GALK2: variants seen among roughly 807,000 people sequenced by gnomAD.
GALK2 encodes the protein galactokinase 2, also known as N-acetylgalactosamine kinase.
A neutral mutation model predicts 52.4 loss-of-function variants in GALK2; 36 were observed. The observed-to-expected ratio is 0.69, with a 90% CI of 0.53 to 0.91. The LOEUF is 0.91. Ranked by LOEUF, GALK2 falls within the 40% of genes least tolerant of loss-of-function variation. The pLI, the probability that GALK2 is intolerant of heterozygous loss-of-function variation, is 0.00. For synonymous variants in GALK2, 176 were observed against 199.1 expected (o/e 0.88, Z 0.98); for missense variants, 579 against 559.1 (o/e 1.04, Z -0.36).
chr15:49,299,434 G>C (rs1227555956), intron 8 of GALK2, among the ~76,000 whole-genome samples: 1 of 151,902 alleles, frequency 6.6e-6, no homozygotes, highest in South Asian at 2.1e-4. Flanking sequence ...CTAGCTTTGT[G>C]GTTGGTTTGC....
At chr15:49,308,300 G>A (rs1043371565) in intron 8 of GALK2, among the ~76,000 whole-genome samples, 1 of 152,186 alleles carries the variant, frequency 6.6e-6, no homozygotes, top group African/African-American at 2.4e-5. Context: ...ATTTGTTAGA[G>A]AAATTGACCA....
At chr15:49,334,181 T>C, downstream of GALK2, 1 of 841,900 alleles carries the variant, frequency 1.2e-6, no homozygotes, top group East Asian at 1.2e-4. Flanking sequence ...CAATTAAAGA[T>C]GATCTTAAGC....
intron 3 of GALK2, among the ~76,000 whole-genome samples, chr15:49,221,042 A>G (rs1325653803): frequency 6.6e-6 from 1 of 151,774 alleles, no homozygotes; most frequent in Non-Finnish European, 1.5e-5. Context: ...TTGTCTCCCC[A>G]CTCTGTTGAT....
chr15:49,336,872 T>TA (rs563659768), downstream of GALK2, among the ~76,000 whole-genome samples: 37 of 152,284 alleles, frequency 2.4e-4, no homozygotes, highest in East Asian at 3.3e-3. Flanking sequence ...TCCCTTCTCT[T>TA]ACAGTATGCA....
At chr15:49,209,314 C>G (rs962085085) in intron 2 of GALK2, among the ~76,000 whole-genome samples, 1 of 152,114 alleles carries the variant, frequency 6.6e-6, no homozygotes, top group Non-Finnish European at 1.5e-5. Context: ...AATTTGGATG[C>G]CCTTTACATT....
intron 8 of GALK2, among the ~76,000 whole-genome samples, chr15:49,303,569 T>A (rs942153725): frequency 6.6e-6 from 1 of 152,168 alleles, no homozygotes; most frequent in Non-Finnish European, 1.5e-5. Flanking sequence ...AAAATACATG[T>A]CTCTCATCAT....
chr15:49,319,915 T>G, intron 9 of GALK2, 110 bp downstream of exon 9: 1 of 912,310 alleles, frequency 1.1e-6, no homozygotes, highest in African/African-American at 1.7e-5. Flanking sequence ...ATTCCCCACT[T>G]CCTATATGAG....
chr15:49,168,205 A>G (rs2084885224), upstream of GALK2, among the ~76,000 whole-genome samples: 1 of 152,182 alleles, frequency 6.6e-6, no homozygotes, highest in Non-Finnish European at 1.5e-5. Context: ...TCCAAGGTCC[A>G]AACTAATGAT....
intron 1 of GALK2, among the ~76,000 whole-genome samples, chr15:49,192,458 A>C (rs1183597523): frequency 7.2e-6 from 1 of 138,838 alleles, no homozygotes; most frequent in African/African-American, 2.7e-5. Context: ...ATTATAAACT[A>C]TTCTGCAATG....
chr15:49,233,358 C>T (rs1005364729), intron 3 of GALK2, among the ~76,000 whole-genome samples: 2 of 152,204 alleles, frequency 1.3e-5, no homozygotes, highest in Non-Finnish European at 2.9e-5. Flanking sequence ...ATGATCCAGT[C>T]ACCTCCCACC....
intron 9 of GALK2, among the ~76,000 whole-genome samples, chr15:49,325,633 G>A (rs566963372): frequency 1.9e-4 from 29 of 152,358 alleles, no homozygotes; most frequent in Non-Finnish European, 3.8e-4. Flanking sequence ...CTGCTGACCA[G>A]CTGCTGGGGC....
intron 1 of GALK2, among the ~76,000 whole-genome samples, chr15:49,196,870 A>C (rs976927234): frequency 1.3e-5 from 2 of 152,152 alleles, no homozygotes; most frequent in Non-Finnish European, 2.9e-5. Flanking sequence ...CAGGAGGATC[A>C]CTTGAAGCCA....
chr15:49,297,926 GA>G (rs1457453228), intron 8 of GALK2, among the ~76,000 whole-genome samples: 1 of 134,236 alleles, frequency 7.4e-6, no homozygotes, highest in Non-Finnish European at 1.6e-5. Flanking sequence ...TTGAATTTTT[GA>G]ATTTTTTTTT....
chr15:49,265,518 G>A (rs192075162), intron 5 of GALK2, among the ~76,000 whole-genome samples: 4 of 152,246 alleles, frequency 2.6e-5, no homozygotes, highest in Non-Finnish European at 4.4e-5. Context: ...GACCCGTTGC[G>A]CTTCCCGAGT....
At chr15:49,260,258 T>G (rs1424204597) in intron 5 of GALK2, among the ~76,000 whole-genome samples, 2 of 152,094 alleles carry the variant, frequency 1.3e-5, no homozygotes, top group Non-Finnish European at 2.9e-5. Flanking sequence ...TCCTGACTTT[T>G]TAATGATCGC....
rs116775568 is a variant in GALK2, at chr15:49,319,536, A to G, written c.968-68A>G. The G allele has an allele frequency of 7.6e-5, 101 of 1,325,514 alleles. No individual in the cohort carries two copies. In the African/African-American group the frequency reaches 1.3e-3, roughly 17 times the overall value. 82.1% of individuals were successfully genotyped at this position (1,325,514 alleles called of 1,614,324 possible). A position where few individuals can be genotyped will look rare whatever the true frequency, so the allele number is the denominator to read the frequency against. On this transcript the variant is annotated intron_variant, in intron 8 of 9. Transcript: ENST00000560031. ...CAGAAATGAAAGTCTTTAAAAGTGT[A>G]TTTTTCTTTATACTGGGTTGTCCAG...
At chr15:49,334,588 A>G (rs562358873), downstream of GALK2, among the ~76,000 whole-genome samples, 17 of 152,246 alleles carry the variant, frequency 1.1e-4, no homozygotes, top group Admixed American at 8.5e-4. Context: ...CAGGAAGTCT[A>G]AGGGATATGT....
intron 2 of GALK2, among the ~76,000 whole-genome samples, chr15:49,203,709 G>A (rs1208669261): frequency 6.6e-6 from 1 of 152,172 alleles, no homozygotes; most frequent in Non-Finnish European, 1.5e-5. Context: ...TATAAATGGT[G>A]AGATATTGGG....
chr15:49,268,270 T>C (rs1032699367), intron 5 of GALK2, among the ~76,000 whole-genome samples: 1 of 152,150 alleles, frequency 6.6e-6, no homozygotes, highest in African/African-American at 2.4e-5. Context: ...AAACAGATTA[T>C]GAGAGAGAAC....
Sources: gnomAD v4.1 joint callset for allele counts (sites outside exome capture counted in the v4.1 genomes callset) on GRCh38, gnomAD v4.1.1 for gene constraint, MANE v1.5 for transcripts, NCBI Gene and HGNC (gene_info 2026-07-23, HGNC 2026-07-21) for gene names.